The following TENM3 variants were observed in gnomAD, a reference collection of about 807,000 sequenced individuals.
TENM3 encodes teneurin-3.
Under a neutral mutation model 255.1 loss-of-function variants are expected in TENM3, and 63 were observed. The ratio of observed to expected loss-of-function variants is 0.25; its 90% CI spans 0.20 to 0.30. The LOEUF (loss-of-function observed/expected upper bound fraction) is 0.30, where lower values mean the gene tolerates loss of function less well. Ranked by LOEUF, TENM3 falls within the 10% of genes least tolerant of loss-of-function variation. The pLI is 1.00. For missense variants in TENM3, 2,929 were observed against 3,461.1 expected (o/e 0.85, Z 3.86); for synonymous variants, 1,306 against 1,322.3 (o/e 0.99, Z 0.27).
chr4:181,482,451 T>C, the TENM3 span, among the ~76,000 whole-genome samples: 1 of 152,104 alleles, frequency 6.6e-6, no homozygotes, highest in South Asian at 2.1e-4. Context: ...TGAAACCATA[T>C]GGGAAATGAG....
Position 182,249,561 on chromosome 4 carries a change from G to A in TENM3, c.-76+6085G>A, listed in dbSNP as rs553719704. Reference sequence around the variant, plus strand: ...CTTCTGCTCCATCGTAGACTGAACCGCTTCCTCTCACATCTTCTTGGCCAA... The same window carrying A: ...CTTCTGCTCCATCGTAGACTGAACCACTTCCTCTCACATCTTCTTGGCCAA... On this transcript the variant is annotated intron_variant, in intron 1 of 27. Coordinates refer to ENST00000511685, the MANE Select transcript of TENM3 (RefSeq NM_001080477.4). Among the ~76,000 whole-genome samples, 13 of 152,206 alleles carry A rather than the reference G, an allele frequency of 8.5e-5. No homozygotes were observed. In the South Asian group the frequency reaches 1.9e-3, roughly 22 times the overall value.
chr4:182,801,557 A>T lies in TENM3; in HGVS notation c.*1206A>T, dbSNP rs1236203186. Reference sequence around the variant, plus strand: ...TACTGTTCCAAAGCTCTGTCTCTTGATGGAGGAGAGACCACATCAGATGCT... The same window carrying T: ...TACTGTTCCAAAGCTCTGTCTCTTGTTGGAGGAGAGACCACATCAGATGCT... On this transcript the variant is annotated 3_prime_UTR_variant, in exon 28 of 28. Coordinates refer to ENST00000511685, the MANE Select transcript of TENM3 (RefSeq NM_001080477.4). The T allele has an allele frequency of 1.3e-5, 2 of 152,204 alleles. No homozygotes were observed. The highest frequency in any genetic ancestry group is 4.8e-5 in the African/African-American group (2 of 41,446). The allele number at this position is 152,204 out of a possible 1,614,324, so 9.4% of individuals were successfully genotyped here.
At chr4:182,553,144 G>A (rs1308041852) in intron 3 of TENM3, among the ~76,000 whole-genome samples, 2 of 152,090 alleles carry the variant, frequency 1.3e-5, no homozygotes, top group African/African-American at 2.4e-5. Flanking sequence ...TGGTGCAAGG[G>A]CTATTCACAG....
At position 182,284,081 on chromosome 4, in the gene TENM3, C is replaced by T. The variant is rs952169666; in HGVS notation, c.-75-39865C>T. ...GAACTTTAAAAATATTTTCCCTTTA[C>T]AAAGTCTACGTTTATAAGACATGAG... is the stretch of plus-strand genomic sequence containing the variant. On this transcript the variant is annotated intron_variant, in intron 1 of 27. Transcript: ENST00000511685. Among the ~76,000 whole-genome samples, 21 of 152,194 alleles carry T rather than the reference C, an allele frequency of 1.4e-4. No homozygotes were observed. The South Asian group carries it at 4.4e-3, about 32-fold the overall frequency.
At chr4:182,688,474 C>A (rs1488951145) in intron 12 of TENM3, 123 bp downstream of exon 12, 2 of 751,300 alleles carry the variant, frequency 2.7e-6, no homozygotes, top group Non-Finnish European at 3.9e-6. Context: ...TTTCTTAACA[C>A]GAAATTATTT....
At chr4:182,710,855 T>C (rs1402607348) in intron 12 of TENM3, among the ~76,000 whole-genome samples, 2 of 152,206 alleles carry the variant, frequency 1.3e-5, no homozygotes, top group African/African-American at 2.4e-5. Flanking sequence ...GGGAAAGGCA[T>C]AGCCTAATTG....
the TENM3 span, among the ~76,000 whole-genome samples, chr4:181,747,459 A>G: frequency 6.6e-6 from 1 of 152,112 alleles, no homozygotes; most frequent in Non-Finnish European, 1.5e-5. Context: ...TAACATCTGC[A>G]AAACTTGAGT....
the TENM3 span, among the ~76,000 whole-genome samples, chr4:181,949,852 C>T: frequency 6.6e-6 from 1 of 152,098 alleles, no homozygotes; most frequent in Non-Finnish European, 1.5e-5. Context: ...GCCAAGTGAC[C>T]TCTGACCTCC....
chr4:181,856,081 AG>A, the TENM3 span, among the ~76,000 whole-genome samples: 4 of 135,616 alleles, frequency 2.9e-5, no homozygotes, highest in East Asian at 9.0e-4. Context: ...GGAAGAAGGA[AG>A]GAAGGAAGGA....
chr4:182,614,568 T>C (rs1188142939), intron 4 of TENM3, among the ~76,000 whole-genome samples: 1 of 152,168 alleles, frequency 6.6e-6, no homozygotes, highest in East Asian at 1.9e-4. Context: ...ATTTTTTAAA[T>C]CCCATTTGCT....
At chr4:181,622,863 A>G in the TENM3 span, among the ~76,000 whole-genome samples, 3 of 152,218 alleles carry the variant, frequency 2.0e-5, no homozygotes, top group African/African-American at 4.8e-5. Flanking sequence ...TTAGGTACCG[A>G]GTGAAGTCAT....
the TENM3 span, among the ~76,000 whole-genome samples, chr4:181,691,450 T>C: frequency 6.6e-6 from 1 of 152,098 alleles, no homozygotes; most frequent in Non-Finnish European, 1.5e-5. Context: ...CTAGAGGATG[T>C]AGAAAGTGAA....
At chr4:182,734,367 C>T (rs1457900122) in intron 16 of TENM3, among the ~76,000 whole-genome samples, 2 of 152,156 alleles carry the variant, frequency 1.3e-5, no homozygotes, top group East Asian at 3.9e-4. Context: ...CCTTGAATTC[C>T]TTAGGTGATG....
chr4:181,551,986 A>C, the TENM3 span, among the ~76,000 whole-genome samples: 1 of 151,764 alleles, frequency 6.6e-6, no homozygotes, highest in Non-Finnish European at 1.5e-5. Context: ...TTGGTTCAAA[A>C]GATTAGGCCG....
chr4:181,728,729 C>A, the TENM3 span, among the ~76,000 whole-genome samples: 1 of 152,210 alleles, frequency 6.6e-6, no homozygotes, highest in South Asian at 2.1e-4. Context: ...GTATCTTGTG[C>A]CGACCTCCTA....
the TENM3 span, among the ~76,000 whole-genome samples, chr4:181,499,597 G>T: frequency 3.9e-5 from 6 of 152,170 alleles, no homozygotes; most frequent in African/African-American, 1.4e-4. Context: ...AACTAGAAGG[G>T]GAGACTTAAA....
the TENM3 span, among the ~76,000 whole-genome samples, chr4:182,011,902 G>A: frequency 5.3e-5 from 8 of 152,024 alleles, no homozygotes; most frequent in East Asian, 5.8e-4. Flanking sequence ...CCTTGTTTGC[G>A]GACACCTATT....
the TENM3 span, among the ~76,000 whole-genome samples, chr4:182,100,876 G>T: frequency 1.9e-3 from 222 of 118,306 alleles, 71 homozygotes; most frequent in African/African-American, 7.0e-3. Context: ...TATATATATA[G>T]AGAGAGAGAG....
At chr4:182,044,138 A>G in the TENM3 span, among the ~76,000 whole-genome samples, 1 of 152,254 alleles carries the variant, frequency 6.6e-6, no homozygotes, top group Admixed American at 6.5e-5. Flanking sequence ...ATAAGGATAT[A>G]TCTTGATGAG....
Sources: allele counts gnomAD v4.1 joint callset (sites outside exome capture counted in the v4.1 genomes callset), GRCh38; gene constraint gnomAD v4.1.1; transcripts MANE v1.5; gene names NCBI Gene and HGNC (gene_info 2026-07-23, HGNC 2026-07-21).